The following RPA2 variants were observed in gnomAD, a reference collection of about 807,000 sequenced individuals.
The protein encoded by RPA2 is replication protein A2.
A neutral mutation model predicts 33.4 loss-of-function variants in RPA2; 22 were observed. The ratio of observed to expected loss-of-function variants is 0.66; its 90% CI spans 0.47 to 0.94. The LOEUF is 0.94. Among genes scored for constraint, RPA2 ranks in the 40% least tolerant of loss-of-function variants. RPA2 has a pLI of 0.00. For missense variants in RPA2, 279 were observed against 329.9 expected (o/e 0.85, Z 1.19); for synonymous variants, 109 against 114.9 (o/e 0.95, Z 0.33).
chr1:27,894,474 A>C, intron 6 of RPA2, 77 bp from the exon 7 acceptor site: 1 of 1,246,962 alleles, frequency 8.0e-7, no homozygotes, highest in Non-Finnish European at 1.1e-6. Flanking sequence ...ATAGCTCGTT[A>C]AGCAGCTTAC....
At position 27,897,668 on chromosome 1, in the gene RPA2, A is replaced by G; in HGVS notation, c.373T>C (p.Tyr125His). Reference sequence around the variant, plus strand: ...CTCAGGTGGCCTGCCACTTTCACATATGTTTCTGGAGGAACCACAGTGTTT... The same window carrying G: ...CTCAGGTGGCCTGCCACTTTCACATGTGTTTCTGGAGGAACCACAGTGTTT... ...SENTVVPPET[Y>H]VKVAGHLRSF... The change falls in exon 5 of 9, where the codon TAT becomes CAT. Residue 125 changes from tyrosine to histidine, a missense_variant. Physicochemically the swap from Tyr to His is moderately conservative, Grantham distance 83. Around this residue, in one of 2 missense-constraint regions of RPA2, gnomAD observed 274 missense variants for 310.3 expected, o/e 0.88. Coordinates refer to ENST00000373912, the MANE Select transcript of RPA2 (RefSeq NM_002946.5). 1.2e-6 allele frequency: 2 copies of G among 1,603,432 alleles called. No homozygotes were observed. The highest frequency in any genetic ancestry group is 1.7e-6 in the Non-Finnish European group (2 of 1,175,142).
chr1:27,912,667 A>C (rs1318838813), intron 2 of RPA2, among the ~76,000 whole-genome samples: 1 of 152,230 alleles, frequency 6.6e-6, no homozygotes, highest in Non-Finnish European at 1.5e-5. Context: ...GAGTACTACC[A>C]GTATCATCAG....
At chr1:27,900,099 G>A (rs1286721754) in intron 4 of RPA2, among the ~76,000 whole-genome samples, 3 of 152,198 alleles carry the variant, frequency 2.0e-5, no homozygotes, top group South Asian at 2.1e-4. Flanking sequence ...GTCAGCCACC[G>A]AACCCAGCTG....
At chr1:27,912,148 T>A (rs904976610) in intron 2 of RPA2, among the ~76,000 whole-genome samples, 1 of 152,102 alleles carries the variant, frequency 6.6e-6, no homozygotes, top group Non-Finnish European at 1.5e-5. Context: ...CAGAATATCA[T>A]TGAGTTTTTT....
intron 6 of RPA2, among the ~76,000 whole-genome samples, chr1:27,896,256 G>A (rs542232359): frequency 1.3e-5 from 2 of 152,124 alleles, no homozygotes; most frequent in Middle Eastern, 3.4e-3. Context: ...TGAGTGGCAC[G>A]ATCACAGCTC....
intron 4 of RPA2, among the ~76,000 whole-genome samples, chr1:27,902,281 G>A (rs527402188): frequency 3.7e-5 from 5 of 136,710 alleles, no homozygotes; most frequent in South Asian, 4.6e-4. Context: ...TTATTTTTAC[G>A]TATACTTTTT....
Position 27,892,238 on chromosome 1 carries a change from C to A in RPA2, c.738G>T (p.Val246=), listed in dbSNP as rs777093878. The change falls in exon 9 of 9, where the codon GTG becomes GTT. Residue 246 remains valine (V), a synonymous_variant. Coordinates refer to ENST00000373912, the MANE Select transcript of RPA2 (RefSeq NM_002946.5). ...HMSVSSIKQA[V]DFLSNEGHIY... is the part of the protein sequence containing the mutation. ...TGTGCCCCTCATTGCTCAGAAAATC[C>A]ACAGCTTGCCTAGAAAGAAAGAAGA... 10 of 1,611,936 alleles carry A rather than the reference C, an allele frequency of 6.2e-6. No individual in the cohort carries two copies. The East Asian group carries it at 8.9e-5, about 14-fold the overall frequency.
intron 2 of RPA2, among the ~76,000 whole-genome samples, chr1:27,912,108 A>G (rs926156498): frequency 6.6e-6 from 1 of 151,988 alleles, no homozygotes; most frequent in Non-Finnish European, 1.5e-5. Context: ...AAAAAAAGAA[A>G]GAAAGTTATA....
At chr1:27,903,222 C>T (rs947908495) in intron 4 of RPA2, among the ~76,000 whole-genome samples, 7 of 152,154 alleles carry the variant, frequency 4.6e-5, no homozygotes, top group African/African-American at 1.7e-4. Context: ...AGCCACGACG[C>T]CTGGCCTTAC....
intron 4 of RPA2, among the ~76,000 whole-genome samples, chr1:27,898,543 G>T (rs2089920497): frequency 7.4e-6 from 1 of 135,266 alleles, no homozygotes. Context: ...TACATTAGCT[G>T]ATTTTTTTTT....
In RPA2 at chr1:27,911,277, G is replaced by A. The variant is rs376813303; in HGVS notation, c.117+2786C>T. On this transcript the variant is annotated intron_variant, in intron 2 of 8. Transcript: ENST00000373912. Reference sequence around the variant, plus strand: ...GTGGTGGCTCATGCCTGTAATACCAGCACCACGGGAGGCAAGGGTGGGAGG... The same window carrying A: ...GTGGTGGCTCATGCCTGTAATACCAACACCACGGGAGGCAAGGGTGGGAGG... 3.9e-5 allele frequency among the ~76,000 whole-genome samples: 6 copies of A among 151,932 alleles called. No individual in the cohort carries two copies. In the East Asian group the frequency reaches 9.7e-4, roughly 24 times the overall value.
intron 6 of RPA2, among the ~76,000 whole-genome samples, chr1:27,895,701 A>G (rs2089882519): frequency 6.6e-6 from 1 of 152,198 alleles, no homozygotes; most frequent in African/African-American, 2.4e-5. Flanking sequence ...ACTGCACTCC[A>G]GCCTGGGCGA....
intron 3 of RPA2, 37 bp downstream of exon 3, chr1:27,907,139 TTATTA>T (rs1247098830): frequency 1.3e-6 from 2 of 1,589,612 alleles, no homozygotes; most frequent in Non-Finnish European, 1.7e-6. Flanking sequence ...ATTTCATTCT[TTATTA>T]TGAGTAAGTG....
rs199958745 is a variant in RPA2, at chr1:27,914,423, C to T, written c.10+11G>A. The T allele has an allele frequency of 1.9e-6, 3 of 1,606,802 alleles. No individual in the cohort carries two copies. Among genetic ancestry groups the T allele is most frequent in the Non-Finnish European group, 2.6e-6 (3 of 1,176,026 alleles). On this transcript the variant is annotated intron_variant, in intron 1 of 8. Coordinates refer to ENST00000373912, the MANE Select transcript of RPA2 (RefSeq NM_002946.5). Reference sequence around the variant, plus strand: ...TTCTCTTCCTCCTCCACCCCGCACCCCCATCATTACTGTTCCACATCTTGG... The same window carrying T: ...TTCTCTTCCTCCTCCACCCCGCACCTCCATCATTACTGTTCCACATCTTGG...
intron 6 of RPA2, among the ~76,000 whole-genome samples, chr1:27,895,414 A>C (rs1453453488): frequency 2.7e-5 from 4 of 147,682 alleles, no homozygotes; most frequent in Non-Finnish European, 6.0e-5. Context: ...AGAGTGAGAC[A>C]CTGTCTCGAA....
upstream of RPA2, chr1:27,914,721 C>A (rs1198234665): frequency 1.9e-6 from 3 of 1,588,814 alleles, no homozygotes; most frequent in Non-Finnish European, 2.6e-6. Context: ...GCCATCTTTA[C>A]GAAGGGCAAA....
At chr1:27,900,109 G>A (rs1488645024) in intron 4 of RPA2, among the ~76,000 whole-genome samples, 3 of 152,150 alleles carry the variant, frequency 2.0e-5, no homozygotes, top group Non-Finnish European at 2.9e-5. Context: ...GAACCCAGCT[G>A]AGATTTATTT....
Position 27,897,120 on chromosome 1 carries a change from T to C in RPA2, c.410A>G (p.Asn137Ser), listed in dbSNP as rs986952483. 6.2e-7 allele frequency: 1 copy of C among 1,607,458 alleles called. No homozygotes were observed. Among genetic ancestry groups the C allele is most frequent in the South Asian group, 1.1e-5 (1 of 89,344 alleles). ...KVAGHLRSFQNKKSLVAFKIM... is the reference protein window; with the variant it reads ...KVAGHLRSFQSKKSLVAFKIM... ...CTTAAAGGCTACCAGGCTCTTTTTGTTCTATTAAAATGAAGGAAAAAAATG... is the reference window on the plus strand; with the variant it reads ...CTTAAAGGCTACCAGGCTCTTTTTGCTCTATTAAAATGAAGGAAAAAAATG... Residue 137 changes from asparagine (N) to serine (S), a missense_variant and splice_region_variant, in exon 6 of 9, where the codon AAC becomes AGC. Physicochemically the swap from Asn to Ser is conservative, Grantham distance 46. This residue lies in a region of RPA2 where 274 missense variants were observed against 310.3 expected (regional missense o/e 0.88). Coordinates refer to ENST00000373912, the MANE Select transcript of RPA2 (RefSeq NM_002946.5).
Position 27,914,136 on chromosome 1 carries a change from C to A in RPA2, c.44G>T (p.Gly15Val), listed in dbSNP as rs2090137309. Residue 15 changes from glycine to valine, a missense_variant, in exon 2 of 9, where the codon GGG becomes GTG. Physicochemically the swap from Gly to Val is moderately radical, Grantham distance 109. Around this residue, in one of 2 missense-constraint regions of RPA2, gnomAD observed 274 missense variants for 310.3 expected, o/e 0.88. Coordinates refer to ENST00000373912, the MANE Select transcript of RPA2 (RefSeq NM_002946.5). ...GFESYGSSSY[G>V]GAGGYTQSPG... ...GGACTGCGTGTAGCCGCCGGCTCCC[C>A]CGTATGAGGAGCTGCCATAGCTTTC... 6.2e-7 allele frequency: 1 copy of A among 1,613,100 alleles called. No individual in the cohort carries two copies. Among genetic ancestry groups the A allele is most frequent in the Admixed American group, 1.7e-5 (1 of 59,878 alleles).
Sources: allele counts gnomAD v4.1 joint callset (sites outside exome capture counted in the v4.1 genomes callset), GRCh38; gene constraint gnomAD v4.1.1; regional missense constraint gnomAD v4.1.1; transcripts MANE v1.5; gene names NCBI Gene and HGNC (gene_info 2026-07-23, HGNC 2026-07-21).